Variants in ABTB3 observed in about 807,000 individuals in gnomAD.
The protein encoded by ABTB3 is ankyrin repeat and BTB domain containing 3, also known as ankyrin repeat- and BTB/POZ domain-containing protein 3.
At chr12:107,427,394 G>T in the ABTB3 span, among the ~76,000 whole-genome samples, 12 of 151,890 alleles carry the variant, frequency 7.9e-5, no homozygotes, top group African/African-American at 2.4e-4. Context: ...CCACCCTCCC[G>T]CCTCAACCTC....
chr12:107,426,907 C>G, the ABTB3 span, among the ~76,000 whole-genome samples: 1 of 152,192 alleles, frequency 6.6e-6, no homozygotes. Flanking sequence ...TCACCATCAC[C>G]TGTGACCTGG....
chr12:107,331,496 C>T, the ABTB3 span, among the ~76,000 whole-genome samples: 1 of 152,176 alleles, frequency 6.6e-6, no homozygotes, highest in Non-Finnish European at 1.5e-5. Flanking sequence ...GGGGAGCTGC[C>T]CCTTCCTTGG....
chr12:107,646,318 T>G, the ABTB3 span, among the ~76,000 whole-genome samples: 15 of 152,300 alleles, frequency 9.8e-5, no homozygotes, highest in South Asian at 3.1e-3. Context: ...AGCCCCGGGA[T>G]CTCAGTCCAC....
chr12:107,431,480 A>G, the ABTB3 span, among the ~76,000 whole-genome samples: 1 of 152,018 alleles, frequency 6.6e-6, no homozygotes, highest in Non-Finnish European at 1.5e-5. Flanking sequence ...GTGGTGGCGC[A>G]TGTCTGTAAT....
At chr12:107,514,731 G>A in the ABTB3 span, among the ~76,000 whole-genome samples, 12 of 151,890 alleles carry the variant, frequency 7.9e-5, no homozygotes, top group Non-Finnish European at 1.5e-4. Context: ...ATTAAACCCT[G>A]GTATATAATC....
chr12:107,641,579 C>G, the ABTB3 span, among the ~76,000 whole-genome samples: 4 of 152,134 alleles, frequency 2.6e-5, no homozygotes, highest in African/African-American at 9.7e-5. Flanking sequence ...AGAAAGTCAC[C>G]CATAAGGGAG....
the ABTB3 span, among the ~76,000 whole-genome samples, chr12:107,420,830 T>A: frequency 6.6e-6 from 1 of 152,134 alleles, no homozygotes; most frequent in Non-Finnish European, 1.5e-5. Context: ...AGTATTGACT[T>A]TAAGTATGTA....
the ABTB3 span, among the ~76,000 whole-genome samples, chr12:107,489,012 A>G: frequency 6.6e-6 from 1 of 152,180 alleles, no homozygotes; most frequent in African/African-American, 2.4e-5. Flanking sequence ...AAAGATGACC[A>G]AAAAGGAGTA....
At chr12:107,440,420 C>T in the ABTB3 span, among the ~76,000 whole-genome samples, 1 of 152,266 alleles carries the variant, frequency 6.6e-6, no homozygotes, top group Non-Finnish European at 1.5e-5. Flanking sequence ...GCTGACCCTT[C>T]TCGTCCTTCC....
the ABTB3 span, among the ~76,000 whole-genome samples, chr12:107,545,592 C>T: frequency 1.3e-5 from 2 of 152,190 alleles, no homozygotes; most frequent in South Asian, 4.2e-4. Flanking sequence ...TATTTCAATC[C>T]AGTCTGGAAT....
At chr12:107,555,543 A>G in the ABTB3 span, among the ~76,000 whole-genome samples, 1 of 152,166 alleles carries the variant, frequency 6.6e-6, no homozygotes, top group East Asian at 1.9e-4. Context: ...TTGGTCTAAT[A>G]CCAGCTTCTC....
chr12:107,500,350 C>A, the ABTB3 span, among the ~76,000 whole-genome samples: 2 of 152,152 alleles, frequency 1.3e-5, no homozygotes, highest in African/African-American at 4.8e-5. Context: ...CCATGCCCAC[C>A]CCCAGGTTGC....
chr12:107,534,285 T>C, the ABTB3 span, among the ~76,000 whole-genome samples: 1 of 151,040 alleles, frequency 6.6e-6, no homozygotes, highest in Non-Finnish European at 1.5e-5. Flanking sequence ...AGATCTATAG[T>C]ATACACAAAA....
the ABTB3 span, among the ~76,000 whole-genome samples, chr12:107,419,746 G>A: frequency 5.3e-5 from 8 of 152,276 alleles, no homozygotes; most frequent in Non-Finnish European, 1.2e-4. Flanking sequence ...CTCAATGAAT[G>A]TTAGTTATTT....
the ABTB3 span, among the ~76,000 whole-genome samples, chr12:107,472,488 A>G: frequency 6.6e-6 from 1 of 152,160 alleles, no homozygotes; most frequent in Admixed American, 6.5e-5. Context: ...TGTGCCATTT[A>G]TTAGCTGTGT....
the ABTB3 span, among the ~76,000 whole-genome samples, chr12:107,625,767 G>T: frequency 6.6e-6 from 1 of 151,972 alleles, no homozygotes; most frequent in Admixed American, 6.6e-5. Context: ...GTGTCAGGGG[G>T]TGGGGGCAAT....
the ABTB3 span, among the ~76,000 whole-genome samples, chr12:107,653,883 T>C: frequency 6.6e-6 from 1 of 152,200 alleles, no homozygotes; most frequent in Admixed American, 6.5e-5. Flanking sequence ...CTACCGTTCA[T>C]CTATAGAATT....
chr12:107,378,046 CG>C, the ABTB3 span, among the ~76,000 whole-genome samples: 1 of 152,188 alleles, frequency 6.6e-6, no homozygotes, highest in Non-Finnish European at 1.5e-5. Context: ...TTATGGACTT[CG>C]GGAGACCAAG....
At chr12:107,524,556 T>C in the ABTB3 span, among the ~76,000 whole-genome samples, 1 of 152,206 alleles carries the variant, frequency 6.6e-6, no homozygotes. Context: ...CAGCAGCTGA[T>C]GTTTAATGAG....
Sources: gnomAD v4.1 joint callset for allele counts (sites outside exome capture counted in the v4.1 genomes callset) on GRCh38, gnomAD v4.1.1 for gene constraint, MANE v1.5 for transcripts, NCBI Gene and HGNC (gene_info 2026-07-23, HGNC 2026-07-21) for gene names.